The following ARID1B variants were observed in gnomAD, a reference collection of about 807,000 sequenced individuals.
ARID1B encodes AT-rich interactive domain-containing protein 1B.
In ARID1B, 30 loss-of-function variants were observed where a neutral mutation model predicts 212.3. That is an observed-to-expected ratio of 0.14 (90% CI 0.11 to 0.19). ARID1B has a LOEUF of 0.19. ARID1B is among the 10% of genes least tolerant of loss of function. The pLI is 1.00. For missense variants in ARID1B, 2,891 were observed against 3,204.0 expected (o/e 0.90, Z 2.36); for synonymous variants, 1,402 against 1,301.7 (o/e 1.08, Z -1.66).
chr6:156,897,240 C>CTTATTATTA (rs1562468403), intron 2 of ARID1B, among the ~76,000 whole-genome samples: 5 of 101,114 alleles, frequency 4.9e-5, no homozygotes, highest in African/African-American at 1.9e-4. Context: ...TCTTCTTCTT[C>CTTATTATTA]TTCTTCTTCT....
intron 7 of ARID1B, among the ~76,000 whole-genome samples, chr6:157,147,362 G>A (rs71549199): frequency 4.3e-5 from 3 of 69,970 alleles, no homozygotes; most frequent in East Asian, 3.7e-4. Flanking sequence ...CCCGCCTCCG[G>A]CCCTGCCCGC....
intron 4 of ARID1B, among the ~76,000 whole-genome samples, chr6:157,013,424 C>A (rs1238849356): frequency 6.6e-6 from 1 of 152,172 alleles, no homozygotes; most frequent in Non-Finnish European, 1.5e-5. Context: ...TTCTGTGTTG[C>A]AACTGCTGTG....
intron 2 of ARID1B, among the ~76,000 whole-genome samples, chr6:156,879,567 T>C (rs1786873717): frequency 6.6e-6 from 1 of 152,218 alleles, no homozygotes; most frequent in Non-Finnish European, 1.5e-5. Context: ...ATTACAACAA[T>C]GGAAAATGTG....
At chr6:157,000,680 C>G (rs12203289) in intron 4 of ARID1B, among the ~76,000 whole-genome samples, 37,632 of 145,430 alleles carry the variant, frequency 0.26, 5,331 homozygotes, top group Non-Finnish European at 0.31. Context: ...TTTCTAAACA[C>G]CCATTTCTAA....
At chr6:157,106,236 A>G (rs1005472366) in intron 5 of ARID1B, among the ~76,000 whole-genome samples, 2 of 152,142 alleles carry the variant, frequency 1.3e-5, no homozygotes, top group East Asian at 1.9e-4. Context: ...GGAAAGCCCA[A>G]AGGGTGTGCC....
intron 11 of ARID1B, among the ~76,000 whole-genome samples, chr6:157,177,578 C>CCATACA (rs1036695278): frequency 5.9e-5 from 9 of 152,244 alleles, no homozygotes; most frequent in East Asian, 5.8e-4. Flanking sequence ...AAACATTTGT[C>CCATACA]CATACACATA....
intron 8 of ARID1B, among the ~76,000 whole-genome samples, chr6:157,160,434 C>T (rs554316876): frequency 2.6e-5 from 4 of 152,268 alleles, no homozygotes; most frequent in Non-Finnish European, 4.4e-5. Context: ...AAATCCTGTC[C>T]GTTTCACCTC....
intron 1 of ARID1B, among the ~76,000 whole-genome samples, chr6:156,809,781 T>G (rs1343961392): frequency 6.6e-6 from 1 of 151,000 alleles, no homozygotes; most frequent in Non-Finnish European, 1.5e-5. Flanking sequence ...AAAAGTAGCC[T>G]TCTCAAGTCT....
intron 7 of ARID1B, among the ~76,000 whole-genome samples, chr6:157,138,215 G>C (rs1789072487): frequency 6.6e-6 from 1 of 151,692 alleles, no homozygotes; most frequent in South Asian, 2.1e-4. Context: ...TTGGTTGGTT[G>C]GTTGGTTGGT....
intron 4 of ARID1B, among the ~76,000 whole-genome samples, chr6:156,977,972 C>T (rs1477351319): frequency 1.3e-5 from 2 of 152,230 alleles, no homozygotes; most frequent in South Asian, 2.1e-4. Flanking sequence ...CCCTCTCTGG[C>T]GGGTGGGAGC....
chr6:156,986,591 C>T (rs1470592668), intron 4 of ARID1B, among the ~76,000 whole-genome samples: 1 of 152,156 alleles, frequency 6.6e-6, no homozygotes, highest in Non-Finnish European at 1.5e-5. Flanking sequence ...CTTATGTCTT[C>T]GGTGAAGATT....
rs1457449058 is a variant in ARID1B at position 156,829,410 on chromosome 6, C to A, written c.1975C>A (p.Pro659Thr). The A allele has an allele frequency of 1.9e-6, 3 of 1,614,082 alleles. No homozygotes were observed. Among genetic ancestry groups the A allele is most frequent in the Non-Finnish European group, 1.7e-6 (2 of 1,179,966 alleles). The change falls in exon 2 of 20, where the codon CCT (proline) becomes ACT (threonine). Residue 659 changes from proline (P) to threonine (T), a missense_variant. Around this residue, in one of 7 missense-constraint regions of ARID1B, gnomAD observed 1,643 missense variants for 1,544.0 expected, o/e 1.06. Transcript: ENST00000636930. ...CGGGGCCATGGCCGGAATGCAGTAC[C>A]CTCAGCAGCAGGTTTGTGCTGGTCC... ...TPGAMAGMQYPQQQMPPQYGQ... is the reference protein window; with the variant it reads ...TPGAMAGMQYTQQQMPPQYGQ...
chr6:157,200,458 T>G lies in ARID1B; in HGVS notation c.4480-247T>G, dbSNP rs1583499503. On this transcript the variant is annotated intron_variant, in intron 17 of 19. Coordinates refer to ENST00000636930, the MANE Select transcript of ARID1B (RefSeq NM_001374828.1). The surrounding 1 kb of genome is among the most constrained non-coding windows in gnomAD (Gnocchi z 4.3). Reference sequence around the variant, plus strand: ...GGCACAGCCTAAGGAGAGGAGGCTTTTTTTTTTCCACAGGAAGTTTCAAAC... The same window carrying G: ...GGCACAGCCTAAGGAGAGGAGGCTTGTTTTTTTCCACAGGAAGTTTCAAAC... Among the ~76,000 whole-genome samples, 2 of 151,952 alleles carry G rather than the reference T, an allele frequency of 1.3e-5. 1 individual carries two copies. The highest frequency in any genetic ancestry group is 1.3e-4 in the Admixed American group (2 of 15,280).
intron 5 of ARID1B, among the ~76,000 whole-genome samples, chr6:157,090,030 C>T (rs538304559): frequency 4.6e-5 from 7 of 152,306 alleles, no homozygotes; most frequent in Non-Finnish European, 7.3e-5. Context: ...TGACTCAGCA[C>T]GGCATCTGAA....
At chr6:157,018,212 C>CTTTTTGTTTTTTTTTTTTTT (rs1780023422) in intron 4 of ARID1B, among the ~76,000 whole-genome samples, 1 of 72,432 alleles carries the variant, frequency 1.4e-5, no homozygotes, top group African/African-American at 6.5e-5. Context: ...AAGTAGTATG[C>CTTTTTGTTTTTTTTTTTTTT]TTTTTTTTTT....
intron 4 of ARID1B, among the ~76,000 whole-genome samples, chr6:156,961,204 T>C (rs1188665140): frequency 6.6e-6 from 1 of 152,008 alleles, no homozygotes; most frequent in African/African-American, 2.4e-5. Context: ...TGCGACAGAG[T>C]GCGCAGGACA....
chr6:157,154,783 A>C (rs960459675), intron 8 of ARID1B, among the ~76,000 whole-genome samples: 1 of 151,538 alleles, frequency 6.6e-6, no homozygotes, highest in African/African-American at 2.4e-5. Flanking sequence ...GGCTTTCACC[A>C]ATTTGGCCAG....
chr6:157,182,345 C>G (rs948901162), intron 12 of ARID1B, among the ~76,000 whole-genome samples: 1 of 152,214 alleles, frequency 6.6e-6, no homozygotes, highest in Non-Finnish European at 1.5e-5. Flanking sequence ...TGACTCCAGA[C>G]ACATACTCTT....
chr6:157,047,470 A>G (rs1419125635), intron 4 of ARID1B, among the ~76,000 whole-genome samples: 1 of 152,240 alleles, frequency 6.6e-6, no homozygotes, highest in Non-Finnish European at 1.5e-5. Flanking sequence ...GTTTAGATAG[A>G]TTCATTGACA....
Sources: allele counts gnomAD v4.1 joint callset (sites outside exome capture counted in the v4.1 genomes callset), GRCh38; gene constraint gnomAD v4.1.1; regional missense constraint gnomAD v4.1.1; non-coding constraint Gnocchi (gnomAD v3.1); transcripts MANE v1.5; gene names NCBI Gene and HGNC (gene_info 2026-07-23, HGNC 2026-07-21).